Variants in CTNNA2 observed in about 807,000 individuals in gnomAD.
CTNNA2 encodes catenin alpha 2.
Under a neutral mutation model 101.0 loss-of-function variants are expected in CTNNA2, and 42 were observed. The observed-to-expected ratio is 0.42, with a 90% confidence interval of 0.32 to 0.54. The LOEUF (loss-of-function observed/expected upper bound fraction) is 0.54. CTNNA2 is among the 20% of genes least tolerant of loss of function. The probability of loss-of-function intolerance (pLI) is 0.14; values close to 1 mark genes in which losing one functional copy is unlikely to be tolerated. For missense variants in CTNNA2, 871 were observed against 1,223.1 expected, an observed-to-expected ratio of 0.71 and a Z score of 4.29; for synonymous variants, 450 against 456.4, an observed-to-expected ratio of 0.99 and a Z score of 0.18.
chr2:79,319,030 A>G (rs779457423), intron 3 of CTNNA2, among the ~76,000 whole-genome samples: 1 of 152,226 alleles, frequency 6.6e-6, no homozygotes, highest in Non-Finnish European at 1.5e-5. Flanking sequence ...ACTAAAGATA[A>G]GGAAAGGACT....
intron 2 of CTNNA2, among the ~76,000 whole-genome samples, chr2:79,294,323 G>T (rs1200774763): frequency 1.3e-5 from 2 of 152,012 alleles, no homozygotes; most frequent in Non-Finnish European, 2.9e-5. Flanking sequence ...GCTCTCTCTG[G>T]TATCTATTCT....
At chr2:80,137,526 A>G (rs564369309) in intron 7 of CTNNA2, among the ~76,000 whole-genome samples, 1 of 152,168 alleles carries the variant, frequency 6.6e-6, no homozygotes, top group South Asian at 2.1e-4. Flanking sequence ...TCCCTGGACT[A>G]GGGAGGTAAT....
intron 18 of CTNNA2, among the ~76,000 whole-genome samples, chr2:80,625,967 C>A (rs912718658): frequency 6.6e-6 from 1 of 151,880 alleles, no homozygotes; most frequent in African/African-American, 2.4e-5. Flanking sequence ...GCCATAGAAA[C>A]CTACAGAATT....
At chr2:79,494,734 C>A (rs556846569) in intron 4 of CTNNA2, among the ~76,000 whole-genome samples, 1 of 151,936 alleles carries the variant, frequency 6.6e-6, no homozygotes, top group Non-Finnish European at 1.5e-5. Flanking sequence ...TCTTTGTGAC[C>A]TTGGATTGAG....
At chr2:80,310,926 T>C (rs1677507723) in intron 7 of CTNNA2, among the ~76,000 whole-genome samples, 2 of 145,318 alleles carry the variant, frequency 1.4e-5, no homozygotes, top group Non-Finnish European at 3.0e-5. Flanking sequence ...TGATCTGAGA[T>C]CGCGCTACTG....
chr2:80,195,186 T>C (rs1287820927), intron 7 of CTNNA2, among the ~76,000 whole-genome samples: 1 of 152,186 alleles, frequency 6.6e-6, no homozygotes, highest in African/African-American at 2.4e-5. Flanking sequence ...CTTGGTTTTA[T>C]AGTCTATATA....
At chr2:80,072,380 G>A (rs1161180024) in intron 7 of CTNNA2, among the ~76,000 whole-genome samples, 3 of 151,692 alleles carry the variant, frequency 2.0e-5, no homozygotes, top group African/African-American at 7.3e-5. Flanking sequence ...CAGTTTCTTG[G>A]TGCTCAACTC....
chr2:80,647,881 G>GT lies in CTNNA2; in HGVS notation c.*13dup, dbSNP rs764060229. The GT allele has an allele frequency of 8.4e-6, 13 of 1,544,770 alleles. No individual in the cohort carries two copies. In the South Asian group the frequency reaches 1.0e-4, roughly 12 times the overall value. ...CAATGGATTCCTTCTAGGACGATAG[G>GT]TTTTAACAAGAAAGCTTTTTCTTTC... On this transcript the variant is annotated 3_prime_UTR_variant, in exon 19 of 19. Coordinates refer to ENST00000402739, the MANE Select transcript of CTNNA2 (RefSeq NM_001282597.3).
intron 4 of CTNNA2, among the ~76,000 whole-genome samples, chr2:79,869,010 A>C (rs1682370064): frequency 6.6e-6 from 1 of 152,194 alleles, no homozygotes; most frequent in Non-Finnish European, 1.5e-5. Flanking sequence ...AATTGTGGAA[A>C]TTTTCATACC....
At chr2:80,140,786 A>T (rs1309829860) in intron 7 of CTNNA2, among the ~76,000 whole-genome samples, 4 of 152,244 alleles carry the variant, frequency 2.6e-5, no homozygotes, top group South Asian at 2.1e-4. Context: ...TGCATGTTTT[A>T]TTTCTCCCAA....
intron 7 of CTNNA2, among the ~76,000 whole-genome samples, chr2:80,368,541 T>C (rs1431629270): frequency 1.3e-5 from 2 of 151,920 alleles, no homozygotes; most frequent in Non-Finnish European, 2.9e-5. Context: ...CAGGCCAATG[T>C]GGGTACAAAA....
At chr2:80,111,590 A>G (rs186469635) in intron 7 of CTNNA2, among the ~76,000 whole-genome samples, 1 of 152,258 alleles carries the variant, frequency 6.6e-6, no homozygotes, top group African/African-American at 2.4e-5. Flanking sequence ...CCCAGGCTAG[A>G]GTGCAGTGTG....
At chr2:79,457,728 G>A (rs980928869) in intron 4 of CTNNA2, among the ~76,000 whole-genome samples, 2 of 152,284 alleles carry the variant, frequency 1.3e-5, no homozygotes, top group Admixed American at 1.3e-4. Context: ...GGTTGACTAA[G>A]TTTAAGAATA....
intron 2 of CTNNA2, among the ~76,000 whole-genome samples, chr2:79,289,822 G>A (rs1458525375): frequency 6.6e-6 from 1 of 152,190 alleles, no homozygotes. Context: ...TTTACCAAGG[G>A]TGACAGTATG....
chr2:80,235,783 T>C (rs577310837), intron 7 of CTNNA2, among the ~76,000 whole-genome samples: 1 of 152,326 alleles, frequency 6.6e-6, no homozygotes, highest in Non-Finnish European at 1.5e-5. Flanking sequence ...ATCAGTGGCT[T>C]CCTGTGTTTC....
intron 7 of CTNNA2, 117 bp downstream of exon 7, chr2:79,909,914 G>A (rs1685670604): frequency 2.3e-5 from 25 of 1,082,124 alleles, no homozygotes; most frequent in East Asian, 1.1e-4. Context: ...ACCAAAGAGA[G>A]TCAGGTGAAA....
intron 7 of CTNNA2, among the ~76,000 whole-genome samples, chr2:80,014,290 A>G (rs1665062354): frequency 6.6e-6 from 1 of 152,096 alleles, no homozygotes; most frequent in Non-Finnish European, 1.5e-5. Flanking sequence ...AGCTAGAAAG[A>G]TGCCTTTCTT....
At position 80,043,165 on chromosome 2, in the gene CTNNA2, CCTTCCTTCCTTCCTTCCTTT is replaced by C. The variant is rs1433565331; in HGVS notation, c.1056+133372_1056+133391del. On this transcript the variant is annotated intron_variant, in intron 7 of 18. Coordinates refer to ENST00000402739, the MANE Select transcript of CTNNA2 (RefSeq NM_001282597.3). ...TCCTTCCTTCCTTCCTTCCTTCCTT[CCTTCCTTCCTTCCTTCCTTT>C]CTTTCTTTCTTTCTCTCTCTCTTTT... Among the ~76,000 whole-genome samples the C allele has an allele frequency of 5.4e-3, 473 of 87,346 alleles. 12 individuals carry two copies. The highest frequency in any genetic ancestry group is 0.026 in the African/African-American group (420 of 16,022). 57.3% of individuals were successfully genotyped at this position (87,346 alleles called of 152,430 possible). A position where few individuals can be genotyped will look rare whatever the true frequency, so the allele number is the denominator to read the frequency against.
chr2:80,308,653 A>G (rs1677254815), intron 7 of CTNNA2, among the ~76,000 whole-genome samples: 2 of 152,212 alleles, frequency 1.3e-5, no homozygotes, highest in Non-Finnish European at 2.9e-5. Context: ...TACTTATCAA[A>G]CTTTGTCCAA....
Sources: allele counts gnomAD v4.1 joint callset (sites outside exome capture counted in the v4.1 genomes callset), GRCh38; gene constraint gnomAD v4.1.1; transcripts MANE v1.5; gene names NCBI Gene and HGNC (gene_info 2026-07-23, HGNC 2026-07-21).